CFAP299: variants seen among roughly 807,000 people sequenced by gnomAD.
CFAP299 encodes cilia- and flagella-associated protein 299.
CFAP299 carries 21 observed loss-of-function variants against 27.0 expected under a neutral mutation model. The ratio of observed to expected loss-of-function variants is 0.78; its 90% CI spans 0.55 to 1.12. The LOEUF is 1.12. CFAP299 is among the 50% of genes most tolerant of loss of function. The probability of loss-of-function intolerance (pLI) is 0.00; values close to 1 mark genes in which losing one functional copy is unlikely to be tolerated. For synonymous variants in CFAP299, 104 were observed against 98.1 expected, an observed-to-expected ratio of 1.06 and a Z score of -0.36; for missense variants, 310 against 276.6, an observed-to-expected ratio of 1.12 and a Z score of -0.86.
At chr4:80,954,859 G>T (rs1487921131) in intron 5 of CFAP299, among the ~76,000 whole-genome samples, 1 of 151,684 alleles carries the variant, frequency 6.6e-6, no homozygotes, top group South Asian at 2.1e-4. Context: ...AATTAGCCAG[G>T]CATGGTGGCA....
intron 2 of CFAP299, among the ~76,000 whole-genome samples, chr4:80,481,023 C>T (rs1390254): frequency 0.2 from 30,660 of 151,780 alleles, 3,276 homozygotes; most frequent in South Asian, 0.29. Flanking sequence ...TACCATTTAT[C>T]GCTGTAAGCC....
intron 2 of CFAP299, among the ~76,000 whole-genome samples, chr4:80,368,681 A>T (rs1723971396): frequency 6.6e-6 from 1 of 152,170 alleles, no homozygotes; most frequent in Non-Finnish European, 1.5e-5. Flanking sequence ...TTTATATAAG[A>T]ATGGCTTTAT....
At position 80,854,546 on chromosome 4, in the gene CFAP299, C is replaced by T. The variant is rs540533878; in HGVS notation, c.334-15447C>T. 3.3e-5 allele frequency among the ~76,000 whole-genome samples: 5 copies of T among 151,580 alleles called. No homozygotes were observed. The South Asian group carries it at 1.0e-3, about 32-fold the overall frequency. On this transcript the variant is annotated intron_variant, in intron 3 of 5. Transcript: ENST00000358105. ...TCGGACAGAAGCATGGATATCCCAG[C>T]CATTATAACAGGATGAAAGGAAGAA...
intron 3 of CFAP299, among the ~76,000 whole-genome samples, chr4:80,735,089 A>G (rs1472635311): frequency 6.6e-6 from 1 of 152,130 alleles, no homozygotes; most frequent in African/African-American, 2.4e-5. Flanking sequence ...ATGAACTGGA[A>G]TATCTTTCCT....
chr4:80,453,841 A>T (rs947253617), intron 2 of CFAP299, among the ~76,000 whole-genome samples: 1 of 135,990 alleles, frequency 7.4e-6, no homozygotes, highest in African/African-American at 2.7e-5. Flanking sequence ...ACCCTGTCTC[A>T]AATAATAATA....
At chr4:80,415,355 T>C (rs2110064938) in intron 2 of CFAP299, among the ~76,000 whole-genome samples, 1 of 152,308 alleles carries the variant, frequency 6.6e-6, no homozygotes, top group Admixed American at 6.5e-5. Context: ...TAAAAAATAC[T>C]CTTGTAAACA....
At chr4:80,650,904 G>C (rs1052196934) in intron 3 of CFAP299, among the ~76,000 whole-genome samples, 1 of 151,930 alleles carries the variant, frequency 6.6e-6, no homozygotes, top group Non-Finnish European at 1.5e-5. Flanking sequence ...TACAAACTGG[G>C]TGCAGTGTAT....
intron 3 of CFAP299, among the ~76,000 whole-genome samples, chr4:80,799,376 A>C (rs1477733923): frequency 1.1e-5 from 1 of 94,920 alleles, no homozygotes; most frequent in Non-Finnish European, 1.8e-5. Flanking sequence ...TTATATATAT[A>C]AATGTATTTA....
chr4:80,378,480 G>GC (rs1553918145), intron 2 of CFAP299, among the ~76,000 whole-genome samples: 1 of 143,980 alleles, frequency 6.9e-6, no homozygotes, highest in Non-Finnish European at 1.5e-5. Context: ...AGGGGATATT[G>GC]TTTTTTTTTT....
chr4:80,421,648 A>T (rs1378659578), intron 2 of CFAP299, among the ~76,000 whole-genome samples: 1 of 152,194 alleles, frequency 6.6e-6, no homozygotes, highest in Non-Finnish European at 1.5e-5. Flanking sequence ...TTAGTTTTTG[A>T]AGCTGGGTTT....
intron 3 of CFAP299, among the ~76,000 whole-genome samples, chr4:80,820,376 A>T (rs1002212457): frequency 2.0e-5 from 3 of 152,230 alleles, no homozygotes; most frequent in Admixed American, 1.3e-4. Context: ...GAGATGAGAC[A>T]AAAGCTAGAG....
At chr4:80,789,645 C>T (rs1727438312) in intron 3 of CFAP299, among the ~76,000 whole-genome samples, 1 of 151,946 alleles carries the variant, frequency 6.6e-6, no homozygotes, top group Non-Finnish European at 1.5e-5. Flanking sequence ...TTATTCTTCG[C>T]ATGGCTTATT....
chr4:80,770,779 C>G (rs1472681831), intron 3 of CFAP299, among the ~76,000 whole-genome samples: 1 of 151,994 alleles, frequency 6.6e-6, no homozygotes, highest in Non-Finnish European at 1.5e-5. Flanking sequence ...AAACTTAGTT[C>G]TTTTGGTTTT....
chr4:80,751,199 G>T (rs1382076905), intron 3 of CFAP299, among the ~76,000 whole-genome samples: 2 of 152,142 alleles, frequency 1.3e-5, no homozygotes, highest in African/African-American at 4.8e-5. Context: ...GTTTTCCTGG[G>T]AGAGACCCTC....
intron 3 of CFAP299, among the ~76,000 whole-genome samples, chr4:80,680,963 C>T (rs1468628388): frequency 6.6e-6 from 1 of 152,152 alleles, no homozygotes; most frequent in Non-Finnish European, 1.5e-5. Context: ...CAAGTCTCCT[C>T]TCTTCTCCTG....
intron 4 of CFAP299, among the ~76,000 whole-genome samples, chr4:80,893,674 A>G (rs1238191111): frequency 6.6e-6 from 1 of 151,878 alleles, no homozygotes; most frequent in Non-Finnish European, 1.5e-5. Context: ...CAAAAAAAAA[A>G]AGAAATTGGA....
chr4:80,930,745 C>T (rs1196112508), intron 4 of CFAP299, among the ~76,000 whole-genome samples: 1 of 152,260 alleles, frequency 6.6e-6, no homozygotes, highest in South Asian at 2.1e-4. Context: ...TTGCTGGCCA[C>T]TCCTTTTCCA....
At chr4:80,423,261 C>T (rs1727373854) in intron 2 of CFAP299, among the ~76,000 whole-genome samples, 2 of 152,134 alleles carry the variant, frequency 1.3e-5, no homozygotes, top group African/African-American at 2.4e-5. Flanking sequence ...GAAGTATGCA[C>T]ATATGCCAAA....
chr4:80,864,620 A>T (rs867898422), intron 3 of CFAP299, among the ~76,000 whole-genome samples: 2 of 150,826 alleles, frequency 1.3e-5, no homozygotes, highest in African/African-American at 4.9e-5. Context: ...AACTGTGAAT[A>T]ACTAAACTTA....
Sources: gnomAD v4.1 joint callset for allele counts (sites outside exome capture counted in the v4.1 genomes callset) on GRCh38, gnomAD v4.1.1 for gene constraint, MANE v1.5 for transcripts, NCBI Gene and HGNC (gene_info 2026-07-23, HGNC 2026-07-21) for gene names.